The following AURKB variants were observed in gnomAD, a reference collection of about 807,000 sequenced individuals.
The protein encoded by AURKB is aurora kinase B-Sv1.
Under a neutral mutation model 36.5 loss-of-function variants are expected in AURKB, and 28 were observed. The ratio of observed to expected loss-of-function variants is 0.77; its 90% CI spans 0.57 to 1.05. The LOEUF (loss-of-function observed/expected upper bound fraction) is 1.05. Ranked by LOEUF, AURKB falls within the 50% of genes least tolerant of loss-of-function variation. The pLI, the probability that AURKB is intolerant of heterozygous loss-of-function variation, is 0.00. For missense variants in AURKB, 383 were observed against 447.4 expected, an observed-to-expected ratio of 0.86 and a Z score of 1.30; for synonymous variants, 175 against 172.9, an observed-to-expected ratio of 1.01 and a Z score of -0.09.
Position 8,204,771 on chromosome 17 carries a change from G to C in AURKB, c.*100C>G. ...GCTTCAGCCTTTATTAAACAAAGGA[G>C]GAGGTAGAAAACAGATAAGGGAACA... On this transcript the variant is annotated 3_prime_UTR_variant, in exon 9 of 9. Coordinates refer to ENST00000585124, the MANE Select transcript of AURKB (RefSeq NM_004217.4). 1 of 1,471,628 alleles carries C rather than the reference G, an allele frequency of 6.8e-7. No individual in the cohort carries two copies. Among genetic ancestry groups the C allele is most frequent in the South Asian group, 1.2e-5 (1 of 82,530 alleles). 91.2% of individuals were successfully genotyped at this position (1,471,628 alleles called of 1,614,324 possible).
chr17:8,206,216 C>T lies in AURKB; in HGVS notation c.686+275G>A, dbSNP rs145799965. On this transcript the variant is annotated intron_variant, in intron 7 of 8. Transcript: ENST00000585124. This position sits in a 1 kb window ranked among gnomAD's most constrained non-coding sequence, Gnocchi z 4.2. The stretch of plus-strand genomic sequence containing the variant: ...CGTAATCTCGGCTCACTGCAACCTC[C>T]GCCTCCCAGGTTCAAACAATTCTCC... Among the ~76,000 whole-genome samples the T allele has an allele frequency of 2.0e-3, 309 of 151,598 alleles. 1 individual carries two copies. Among genetic ancestry groups the T allele is most frequent in the African/African-American group, 7.0e-3 (291 of 41,298 alleles).
At chr17:8,205,470 C>T in intron 7 of AURKB, 80 bp from the exon 8 acceptor site, 1 of 1,524,306 alleles carries the variant, frequency 6.6e-7, no homozygotes, top group Non-Finnish European at 8.9e-7. Context: ...GGCTGGGAGC[C>T]AAAAGACCAC....
intron 1 of AURKB, 51 bp from the exon 2 acceptor site, chr17:8,210,300 AGG>A: frequency 7.4e-7 from 1 of 1,355,098 alleles, no homozygotes; most frequent in Non-Finnish European, 1.0e-6. Context: ...AGAGAGAGAG[AGG>A]GAGGGGTTGG....
In AURKB at chr17:8,205,005, G is replaced by T. The variant is rs760974257; in HGVS notation, c.901C>A (p.Gln301Lys). Residue 301 changes from glutamine (Q) to lysine (K), a missense_variant, in exon 9 of 9, where the codon CAG becomes AAG. Gln to Lys is a moderately conservative substitution (Grantham distance 53). Around this residue, in one of 3 missense-constraint regions of AURKB, gnomAD observed 219 missense variants for 252.6 expected, o/e 0.87. Transcript: ENST00000585124. ...CTGAGCAGTTTGGAGATGAGGTCCT[G>T]GGCTCCCATGGGCACGGAAGCGGGG... ...KFPASVPMGAQDLISKLLRHN... is the reference protein window; with the variant it reads ...KFPASVPMGAKDLISKLLRHN... 8.8e-6 allele frequency: 14 copies of T among 1,597,560 alleles called. No homozygotes were observed. The highest frequency in any genetic ancestry group is 1.1e-5 in the Non-Finnish European group (13 of 1,174,506).
At position 8,207,694 on chromosome 17, in the gene AURKB, C is replaced by T. The variant is rs576868305; in HGVS notation, c.151+44G>A. ...TCTCATCCCTAAACCCTCCCACAGA[C>T]GGTCATCTCCCCAGCTCAGTCCTCT... On this transcript the variant is annotated intron_variant, in intron 3 of 8. Transcript: ENST00000585124. 23 of 1,613,446 alleles carry T rather than the reference C, an allele frequency of 1.4e-5. 1 individual carries two copies. Among genetic ancestry groups the T allele is most frequent in the South Asian group, 3.3e-5 (3 of 91,036 alleles).
chr17:8,207,075 G>C, intron 5 of AURKB, 101 bp downstream of exon 5: 3 of 1,463,878 alleles, frequency 2.0e-6, no homozygotes, highest in Non-Finnish European at 2.8e-6. Flanking sequence ...GGGCTCACTA[G>C]CCATAGCTAC....
Position 8,206,756 on chromosome 17 carries a change from T to C in AURKB, c.531A>G (p.Thr177=). 6.2e-7 allele frequency: 1 copy of C among 1,613,992 alleles called. No individual in the cohort carries two copies. Among genetic ancestry groups the C allele is most frequent in the South Asian group, 1.1e-5 (1 of 91,076 alleles). Residue 177 remains threonine, a synonymous_variant, in exon 6 of 9, where the codon ACA becomes ACG. Coordinates refer to ENST00000585124, the MANE Select transcript of AURKB (RefSeq NM_004217.4). The surrounding 1 kb of genome is among the most constrained non-coding windows in gnomAD (Gnocchi z 4.2). ...QKSCTFDEQR[T]ATIMEELADA... Reference sequence around the variant, plus strand: ...GGTGCCCACCCGCCCGGACCGTGGCTGTTCGCTGCTCGTCAAATGTGCAGC... The same window carrying C: ...GGTGCCCACCCGCCCGGACCGTGGCCGTTCGCTGCTCGTCAAATGTGCAGC...
Position 8,209,810 on chromosome 17 carries a change from A to G in AURKB, c.48+367T>C. On this transcript the variant is annotated intron_variant, in intron 2 of 8. Transcript: ENST00000585124. Reference sequence around the variant, plus strand: ...CCTGGGCCTTTTAAACTGTAACTTTATATCCTTTTAGAGTCTATTTCTATT... The same window carrying G: ...CCTGGGCCTTTTAAACTGTAACTTTGTATCCTTTTAGAGTCTATTTCTATT... 9.1e-6 allele frequency: 3 copies of G among 329,666 alleles called. No homozygotes were observed. In the South Asian group the frequency reaches 1.4e-4, roughly 15 times the overall value. The allele number at this position is 329,666 out of a possible 1,614,324, so 20.4% of individuals were successfully genotyped here. A position where few individuals can be genotyped will look rare whatever the true frequency, so the allele number is the denominator to read the frequency against.
Position 8,207,485 on chromosome 17 carries a change from C to T in AURKB, c.206+86G>A, listed in dbSNP as rs570936188. ...GCCCCACTTGTCTTCATCCCTACTC[C>T]TCCCGTGCTTAGGTTTTATCTCCCC... On this transcript the variant is annotated intron_variant, in intron 4 of 8. Transcript: ENST00000585124. 3.2e-5 allele frequency: 50 copies of T among 1,568,734 alleles called. No individual in the cohort carries two copies. In the African/African-American group the frequency reaches 4.3e-4, roughly 14 times the overall value.
intron 7 of AURKB, 25 bp from the exon 8 acceptor site, chr17:8,205,415 A>G (rs200836789): frequency 6.2e-7 from 1 of 1,611,104 alleles, no homozygotes; most frequent in Non-Finnish European, 8.5e-7. Flanking sequence ...GGGCGTGGGC[A>G]GGGGTCCTAG....
Position 8,207,610 on chromosome 17 carries a change from T to C in AURKB, c.167A>G (p.Lys56Arg). 1.2e-6 allele frequency: 2 copies of C among 1,613,894 alleles called. No homozygotes were observed. Among genetic ancestry groups the C allele is most frequent in the Non-Finnish European group, 1.7e-6 (2 of 1,179,838 alleles). ...NVQPTAAPGQ[K>R]VMENSSGTPD... The stretch of plus-strand genomic sequence containing the variant: ...TGTCCCACTGCTATTCTCCATCACC[T>C]TCTGGCCAGGGGCAGCTAAGGAGAG... The change falls in exon 4 of 9, where the codon AAG (lysine) becomes AGG (arginine). Residue 56 changes from lysine to arginine, a missense_variant. Lys to Arg is a conservative substitution (Grantham distance 26, BLOSUM62 2). Coordinates refer to ENST00000585124, the MANE Select transcript of AURKB (RefSeq NM_004217.4).
chr17:8,207,093 G>A, intron 5 of AURKB, 83 bp downstream of exon 5: 1 of 1,512,660 alleles, frequency 6.6e-7, no homozygotes, highest in Non-Finnish European at 9.0e-7. Context: ...TACAGAGAAA[G>A]CAATCTGGAT....
rs377723203 is a variant in AURKB, at chr17:8,205,275, C to G, written c.802G>C (p.Val268Leu). ...GCACTCTCAAAGGGTGGGTTCCCCA[C>G]CAGCAGCTCATAGCAAAGCACTCCA... ...CIGVLCYELLVGNPPFESASH... is the reference protein window; with the variant it reads ...CIGVLCYELLLGNPPFESASH... The change falls in exon 8 of 9, where the codon GTG becomes CTG. Residue 268 changes from valine to leucine, a missense_variant. Around this residue, in one of 3 missense-constraint regions of AURKB, gnomAD observed 219 missense variants for 252.6 expected, o/e 0.87. Coordinates refer to ENST00000585124, the MANE Select transcript of AURKB (RefSeq NM_004217.4). 1 of 1,614,210 alleles carries G rather than the reference C, an allele frequency of 6.2e-7. No homozygotes were observed. The highest frequency in any genetic ancestry group is 1.3e-5 in the African/African-American group (1 of 75,044).
intron 1 of AURKB, 57 bp from the exon 2 acceptor site, chr17:8,210,306 G>C: frequency 4.7e-6 from 6 of 1,276,910 alleles, no homozygotes; most frequent in South Asian, 2.6e-5. Flanking sequence ...AGAGAGGGAG[G>C]GGTTGGACCG....
In AURKB at chr17:8,206,686, T is replaced by C. The variant is rs1320755076; in HGVS notation, c.538-47A>G. On this transcript the variant is annotated intron_variant, in intron 6 of 8. Transcript: ENST00000585124. The surrounding 1 kb of genome is among the most constrained non-coding windows in gnomAD (Gnocchi z 4.2). ...AATCAGACAAGGATGGACCTCCAGC[T>C]ACAAGCAGCACACCCTCAGCCTCGA... 1 of 1,613,594 alleles carries C rather than the reference T, an allele frequency of 6.2e-7. No homozygotes were observed. The highest frequency in any genetic ancestry group is 1.7e-5 in the Admixed American group (1 of 60,004).
rs542566414 is a variant in AURKB at position 8,206,741 on chromosome 17, C to T, written c.537+9G>A. On this transcript the variant is annotated intron_variant, in intron 6 of 8. Transcript: ENST00000585124. This position sits in a 1 kb window ranked among gnomAD's most constrained non-coding sequence, Gnocchi z 4.2. ...CCTACTGGCGCCCCAGGTGCCCACC[C>T]GCCCGGACCGTGGCTGTTCGCTGCT... The T allele has an allele frequency of 1.9e-5, 30 of 1,613,370 alleles. No individual in the cohort carries two copies. Among genetic ancestry groups the T allele is most frequent in the South Asian group, 2.2e-5 (2 of 91,034 alleles).
intron 2 of AURKB, 38 bp from the exon 3 acceptor site, chr17:8,207,878 G>C: frequency 2.0e-6 from 3 of 1,533,458 alleles, no homozygotes; most frequent in Non-Finnish European, 2.7e-6. Context: ...GGGTGCCTTT[G>C]TCTGATGACC....
At chr17:8,205,705 C>G (rs1985165902) in intron 7 of AURKB, among the ~76,000 whole-genome samples, 1 of 152,166 alleles carries the variant, frequency 6.6e-6, no homozygotes, top group Non-Finnish European at 1.5e-5. Context: ...TTAAATAAAT[C>G]AGCTACTATG....
Position 8,206,259 on chromosome 17 carries a change from T to G in AURKB, c.686+232A>C, listed in dbSNP as rs577203145. Among the ~76,000 whole-genome samples the G allele has an allele frequency of 6.6e-6, 1 of 151,972 alleles. No individual in the cohort carries two copies. The highest frequency in any genetic ancestry group is 2.4e-5 in the African/African-American group (1 of 41,450). On this transcript the variant is annotated intron_variant, in intron 7 of 8. Coordinates refer to ENST00000585124, the MANE Select transcript of AURKB (RefSeq NM_004217.4). The surrounding 1 kb of genome is among the most constrained non-coding windows in gnomAD (Gnocchi z 4.2). The stretch of plus-strand genomic sequence containing the variant: ...AATTCTCCTGCCTCAGCCTCCCCAG[T>G]AGCTGGGATTACTGGCGTCCGCCAC...
Sources: allele counts gnomAD v4.1 joint callset (sites outside exome capture counted in the v4.1 genomes callset), GRCh38; gene constraint gnomAD v4.1.1; regional missense constraint gnomAD v4.1.1; non-coding constraint Gnocchi (gnomAD v3.1); transcripts MANE v1.5; gene names NCBI Gene and HGNC (gene_info 2026-07-23, HGNC 2026-07-21).